The following ATPAF1 variants were observed in gnomAD, a reference collection of about 807,000 sequenced individuals.
The protein encoded by ATPAF1 is homolog of yeast ATP11.
ATPAF1 carries 26 observed loss-of-function variants against 43.9 expected under a neutral mutation model. The ratio of observed to expected loss-of-function variants is 0.59; its 90% CI spans 0.43 to 0.82. ATPAF1 has a LOEUF of 0.82. Among genes scored for constraint, ATPAF1 ranks in the 40% least tolerant of loss-of-function variants. The pLI is 0.00. For synonymous variants in ATPAF1, 157 were observed against 168.0 expected, an observed-to-expected ratio of 0.93 and a Z score of 0.50; for missense variants, 366 against 435.0, an observed-to-expected ratio of 0.84 and a Z score of 1.41.
chr1:46,652,854 C>T lies in ATPAF1; in HGVS notation c.541-226G>A, dbSNP rs1381501383. Among the ~76,000 whole-genome samples the T allele has an allele frequency of 2.0e-5, 3 of 152,070 alleles. No individual in the cohort carries two copies. In the East Asian group the frequency reaches 5.8e-4, roughly 29 times the overall value. Reference sequence around the variant, plus strand: ...TGTGTAAAGACTAGGTGCACCAATGCTCCAGGGAACTTTAACAATTGTCAG... The same window carrying T: ...TGTGTAAAGACTAGGTGCACCAATGTTCCAGGGAACTTTAACAATTGTCAG... On this transcript the variant is annotated intron_variant, in intron 5 of 8. Coordinates refer to ENST00000574428, the Ensembl canonical transcript of ATPAF1.
chr1:46,651,218 C>T (rs1174258733), intron 6 of ATPAF1, among the ~76,000 whole-genome samples: 1 of 150,826 alleles, frequency 6.6e-6, no homozygotes, highest in Non-Finnish European at 1.5e-5. Context: ...TCTCATTGTT[C>T]GATTCCCACC....
intron 6 of ATPAF1, 93 bp downstream of exon 6, chr1:46,652,488 A>T: frequency 9.5e-5 from 121 of 1,278,716 alleles, no homozygotes; most frequent in Non-Finnish European, 1.2e-4. Flanking sequence ...GCACTATAAC[A>T]TGTGAGACAG....
rs35432914 is a variant in ATPAF1 at position 46,649,157 on chromosome 1, C to CAAA, written c.588+3421_588+3423dup. ...CTGGGTGACAAAGCAAGCTCCGTCT[C>CAAA]AAAAAAAAAAAAAAAAAAAAGTTAC... On this transcript the variant is annotated intron_variant, in intron 6 of 8. Transcript: ENST00000574428. Among the ~76,000 whole-genome samples the CAAA allele has an allele frequency of 1.4e-4, 15 of 104,734 alleles. No individual in the cohort carries two copies. In the East Asian group the frequency reaches 2.3e-3, roughly 16 times the overall value. The allele number at this position is 104,734 out of a possible 152,430, so 68.7% of individuals were successfully genotyped here.
intron 4 of ATPAF1, among the ~76,000 whole-genome samples, chr1:46,657,738 C>T (rs1676299237): frequency 6.6e-6 from 1 of 151,944 alleles, no homozygotes; most frequent in Non-Finnish European, 1.5e-5. Context: ...TGTTTTTAAA[C>T]CAATACACTA....
At chr1:46,638,446 G>A (rs1405142450) in intron 8 of ATPAF1, among the ~76,000 whole-genome samples, 4 of 152,010 alleles carry the variant, frequency 2.6e-5, no homozygotes, top group East Asian at 1.9e-4. Flanking sequence ...GTGAAACCCC[G>A]TCTCTACTAC....
chr1:46,657,805 G>A (rs1676300536), intron 4 of ATPAF1, among the ~76,000 whole-genome samples: 2 of 152,042 alleles, frequency 1.3e-5, no homozygotes, highest in African/African-American at 4.8e-5. Context: ...AGAATATTAT[G>A]GGTGGAGTGG....
At chr1:46,636,036 T>G (rs1675833580) in intron 8 of ATPAF1, 66 bp from the exon 9 acceptor site, 1 of 1,572,098 alleles carries the variant, frequency 6.4e-7, no homozygotes, top group African/African-American at 1.3e-5. Context: ...GTCTGAATTG[T>G]GTGGTGGGTG....
At position 46,653,937 on chromosome 1, in the gene ATPAF1, C is replaced by T. The variant is rs1676216094; in HGVS notation, c.490-70G>A. 1.7e-5 allele frequency: 25 copies of T among 1,434,054 alleles called. No individual in the cohort carries two copies. Among genetic ancestry groups the T allele is most frequent in the Non-Finnish European group, 2.4e-5 (25 of 1,026,130 alleles). The allele number at this position is 1,434,054 out of a possible 1,614,324, so 88.8% of individuals were successfully genotyped here. On this transcript the variant is annotated intron_variant, in intron 4 of 8. Transcript: ENST00000574428. The surrounding 1 kb of genome is among the most constrained non-coding windows in gnomAD (Gnocchi z 4.8). The stretch of plus-strand genomic sequence containing the variant: ...TTCAACATGTGCCAAGAAATGGTGA[C>T]AGTTTTCATTGCTCAGAGGAATATG...
At chr1:46,635,648 C>G (rs1675823041) in exon 9 of ATPAF1, 4 of 873,788 alleles carry the variant, frequency 4.6e-6, no homozygotes, top group Non-Finnish European at 7.0e-6. Flanking sequence ...CTGCTTGCGA[C>G]AAGCACATAG....
chr1:46,649,166 A>AC (rs1445390797), intron 6 of ATPAF1, among the ~76,000 whole-genome samples: 1 of 151,926 alleles, frequency 6.6e-6, no homozygotes, highest in Non-Finnish European at 1.5e-5. Context: ...TCAAAAAAAA[A>AC]AAAAAAAAAA....
At chr1:46,658,295 A>G (rs1676315092) in intron 3 of ATPAF1, 106 bp from the exon 4 acceptor site, 2 of 923,572 alleles carry the variant, frequency 2.2e-6, no homozygotes, top group Non-Finnish European at 3.3e-6. Flanking sequence ...AATGAAACAG[A>G]TTTCCAAAAG....
chr1:46,662,728 C>G (rs138540983), intron 2 of ATPAF1, among the ~76,000 whole-genome samples: 132 of 152,264 alleles, frequency 8.7e-4, no homozygotes, highest in Non-Finnish European at 1.7e-3. Context: ...CGCCTGGCAA[C>G]CCATTTACTA....
intron 2 of ATPAF1, among the ~76,000 whole-genome samples, chr1:46,659,147 C>A (rs907862948): frequency 6.6e-6 from 1 of 151,904 alleles, no homozygotes; most frequent in Non-Finnish European, 1.5e-5. Flanking sequence ...GCCGAGATCA[C>A]GCCACTGCAC....
At position 46,668,318 on chromosome 1, in the gene ATPAF1, G is replaced by T; in HGVS notation, c.5C>A (p.Ala2Asp). ...ACCCGCAGCCGCCACCACCACAGCA[G>T]CCATGGCCGCCCCCGCCTCCTCCTC... is the stretch of plus-strand genomic sequence containing the variant. Residue 2 changes from alanine to aspartate, a missense_variant, in exon 1 of 9, where the codon GCT (alanine) becomes GAT (aspartate). Transcript: ENST00000574428. The surrounding 1 kb of genome is among the most constrained non-coding windows in gnomAD (Gnocchi z 4.4). 1 of 1,367,642 alleles carries T rather than the reference G, an allele frequency of 7.3e-7. No individual in the cohort carries two copies. The highest frequency in any genetic ancestry group is 1.6e-5 in the South Asian group (1 of 61,384). The allele number at this position is 1,367,642 out of a possible 1,614,324, so 84.7% of individuals were successfully genotyped here.
In ATPAF1 at chr1:46,668,122, G is replaced by C. The variant is rs1473182459; in HGVS notation, c.201C>G (p.Ala67=). The C allele has an allele frequency of 8.4e-6, 12 of 1,434,872 alleles. No individual in the cohort carries two copies. The Admixed American group carries it at 1.2e-4, about 14-fold the overall frequency. 88.9% of individuals were successfully genotyped at this position (1,434,872 alleles called of 1,614,324 possible). A position where few individuals can be genotyped will look rare whatever the true frequency, so the allele number is the denominator to read the frequency against. ...AAGGGTTGGCCTGGAGCTCGGCCTC[G>C]GCCCCGACCCCGCTGCTGTCGGCGC... Residue 67 remains alanine (A), a synonymous_variant, in exon 1 of 9, where the codon GCC becomes GCG. Coordinates refer to ENST00000574428, the Ensembl canonical transcript of ATPAF1. This position sits in a 1 kb window ranked among gnomAD's most constrained non-coding sequence, Gnocchi z 4.4.
intron 8 of ATPAF1, among the ~76,000 whole-genome samples, chr1:46,639,227 T>A (rs1557925224): frequency 2.5e-5 from 1 of 40,562 alleles, no homozygotes; most frequent in African/African-American, 3.7e-5. Context: ...ACCTTACATA[T>A]ACACACATAC....
intron 8 of ATPAF1, among the ~76,000 whole-genome samples, chr1:46,642,813 CA>C (rs1185367618): frequency 6.6e-6 from 1 of 152,150 alleles, no homozygotes; most frequent in Non-Finnish European, 1.5e-5. Context: ...TCCCCATACT[CA>C]AACACATTAA....
Position 46,653,014 on chromosome 1 carries a change from G to GTA in ATPAF1, c.541-388_541-387dup, listed in dbSNP as rs1038830578. On this transcript the variant is annotated intron_variant, in intron 5 of 8. Coordinates refer to ENST00000574428, the Ensembl canonical transcript of ATPAF1. The surrounding 1 kb of genome is among the most constrained non-coding windows in gnomAD (Gnocchi z 4.8). ...GCTGTTGAATTCATGTAGGATAAGG[G>GTA]TATATATATATGAGAGATTAAAAAA... 5.3e-5 allele frequency among the ~76,000 whole-genome samples: 8 copies of GTA among 151,508 alleles called. No homozygotes were observed. Among genetic ancestry groups the GTA allele is most frequent in the South Asian group, 2.1e-4 (1 of 4,802 alleles).
At position 46,668,262 on chromosome 1, in the gene ATPAF1, C is replaced by T; in HGVS notation, c.61G>A (p.Gly21Ser). Residue 21 changes from glycine to serine, a missense_variant, in exon 1 of 9, where the codon GGT becomes AGT. Physicochemically the swap from Gly to Ser is moderately conservative, Grantham distance 56. Transcript: ENST00000574428. The surrounding 1 kb of genome is among the most constrained non-coding windows in gnomAD (Gnocchi z 4.4). ...ACCGCGCACAGGCCCCGGTAGAGACCGGCCACCTGCAGGACCGCCGGTCCC... is the reference window on the plus strand; with the variant it reads ...ACCGCGCACAGGCCCCGGTAGAGACTGGCCACCTGCAGGACCGCCGGTCCC... 1.4e-6 allele frequency: 2 copies of T among 1,389,430 alleles called. No homozygotes were observed. The highest frequency in any genetic ancestry group is 9.4e-7 in the Non-Finnish European group (1 of 1,068,078). 86.1% of individuals were successfully genotyped at this position (1,389,430 alleles called of 1,614,324 possible).
Sources: allele counts gnomAD v4.1 joint callset (sites outside exome capture counted in the v4.1 genomes callset), GRCh38; gene constraint gnomAD v4.1.1; non-coding constraint Gnocchi (gnomAD v3.1); transcripts MANE v1.5; gene names NCBI Gene and HGNC (gene_info 2026-07-23, HGNC 2026-07-21).